The following BIN3 variants were observed in gnomAD, a reference collection of about 807,000 sequenced individuals.
BIN3 encodes bridging integrator 3.
In BIN3, 41 loss-of-function variants were observed where a neutral mutation model predicts 38.2. The observed-to-expected ratio is 1.07, with a 90% CI of 0.84 to 1.39. BIN3 has a LOEUF of 1.39. Ranked by LOEUF, BIN3 falls within the 40% of genes most tolerant of loss-of-function variation. The probability of loss-of-function intolerance (pLI) is 0.00; values close to 1 mark genes in which losing one functional copy is unlikely to be tolerated. For missense variants in BIN3, 361 were observed against 324.3 expected (o/e 1.11, Z -0.87); for synonymous variants, 145 against 122.6 (o/e 1.18, Z -1.21).
At chr8:22,632,263 G>C (rs973535323) in intron 4 of BIN3, among the ~76,000 whole-genome samples, 12 of 152,192 alleles carry the variant, frequency 7.9e-5, no homozygotes, top group Non-Finnish European at 1.8e-4. Flanking sequence ...GCATGAACCT[G>C]AACCCTGACC....
chr8:22,621,517 G>C lies in BIN3; in HGVS notation c.667C>G (p.Leu223Val), dbSNP rs779548998. ...HKIFGDLSHQ[L>V]DQPGHSDEQR... ...TCATCGGAGTGGCCTGGCTGGTCAA[G>C]CTGATGGGACAGGTCTCCAAAGATC... Residue 223 changes from leucine to valine, a missense_variant, in exon 9 of 9, where the codon CTT (leucine) becomes GTT (valine). By Grantham distance (32) the Leu-to-Val change is conservative. Coordinates refer to ENST00000276416, the MANE Select transcript of BIN3 (RefSeq NM_018688.6). 1.2e-5 allele frequency: 19 copies of C among 1,613,906 alleles called. No individual in the cohort carries two copies. Among genetic ancestry groups the C allele is most frequent in the South Asian group, 5.5e-5 (5 of 91,090 alleles).
chr8:22,630,323 C>A, intron 5 of BIN3, 119 bp downstream of exon 5: 1 of 1,414,180 alleles, frequency 7.1e-7, no homozygotes, highest in Non-Finnish European at 9.6e-7. Context: ...CACACGAGGC[C>A]AGAGGGCTTA....
At chr8:22,654,476 C>G (rs1802997724) in intron 1 of BIN3, among the ~76,000 whole-genome samples, 1 of 152,176 alleles carries the variant, frequency 6.6e-6, no homozygotes, top group Non-Finnish European at 1.5e-5. Context: ...AAACCCCACA[C>G]CTATTAGCAA....
Position 22,621,585 on chromosome 8 carries a change from G to A in BIN3, c.616-17C>T, listed in dbSNP as rs771166148. The A allele has an allele frequency of 3.1e-6, 5 of 1,607,394 alleles. No individual in the cohort carries two copies. The highest frequency in any genetic ancestry group is 2.8e-5 in the African/African-American group (2 of 71,624). On this transcript the variant is annotated splice_polypyrimidine_tract_variant and intron_variant, in intron 8 of 8. Transcript: ENST00000276416. ...GTACACAACCTGGGGGAGGCGACAG[G>A]GGTTGGCACGTGCTGGCTCCAGGGA...
intron 6 of BIN3, among the ~76,000 whole-genome samples, chr8:22,627,954 G>A (rs1359993075): frequency 6.6e-6 from 1 of 152,248 alleles, no homozygotes; most frequent in African/African-American, 2.4e-5. Context: ...GCCGGGCTGG[G>A]CCCAGGCCAG....
At chr8:22,624,713 A>C in intron 6 of BIN3, 1 of 244,460 alleles carries the variant, frequency 4.1e-6, no homozygotes, top group Non-Finnish European at 7.8e-6. Flanking sequence ...GGGTGCCCTG[A>C]CCCCCACCTC....
At chr8:22,630,111 G>A (rs1014565328) in intron 5 of BIN3, 107 bp from the exon 6 acceptor site, 2 of 1,228,356 alleles carry the variant, frequency 1.6e-6, no homozygotes, top group Non-Finnish European at 2.3e-6. Flanking sequence ...AGGGCCACAG[G>A]GTGCTGTCCT....
intron 6 of BIN3, chr8:22,625,961 G>C (rs1391034109): frequency 1.3e-5 from 2 of 153,044 alleles, no homozygotes; most frequent in South Asian, 4.1e-4. Flanking sequence ...CAGGGAGTAA[G>C]AGGATATTAA....
chr8:22,649,858 C>CA (rs199571834), intron 1 of BIN3, among the ~76,000 whole-genome samples: 13,059 of 108,326 alleles, frequency 0.12, 790 homozygotes, highest in South Asian at 0.18. Context: ...CACACACACA[C>CA]CCCCAAAGGA....
chr8:22,663,272 A>G (rs1342388535), intron 1 of BIN3, among the ~76,000 whole-genome samples: 1 of 151,754 alleles, frequency 6.6e-6, no homozygotes, highest in Non-Finnish European at 1.5e-5. Context: ...AGTTGTGTTC[A>G]AAAAATTGTG....
In BIN3 at chr8:22,620,480, G is replaced by C. The variant is rs1363274546; in HGVS notation, c.*942C>G. 1 of 141,582 alleles carries C rather than the reference G, an allele frequency of 7.1e-6. No homozygotes were observed. Among genetic ancestry groups the C allele is most frequent in the African/African-American group, 2.6e-5 (1 of 38,636 alleles). 8.8% of individuals were successfully genotyped at this position (141,582 alleles called of 1,614,324 possible). ...CCAAAGTCAAAAACAAACTGAGAGTGTGTCCTCCACAGCTCTTCCTACTCT... is the reference window on the plus strand; with the variant it reads ...CCAAAGTCAAAAACAAACTGAGAGTCTGTCCTCCACAGCTCTTCCTACTCT... On this transcript the variant is annotated 3_prime_UTR_variant, in exon 9 of 9. Coordinates refer to ENST00000276416, the MANE Select transcript of BIN3 (RefSeq NM_018688.6).
rs117124384 is a variant in BIN3, at chr8:22,653,271, C to G, written c.9-8468G>C. On this transcript the variant is annotated intron_variant, in intron 1 of 8. Transcript: ENST00000276416. ...TGTGTTCCGCTGATTTGCTCCTCTT[C>G]TTCATTAACTGAGTTTTCTAACAAT... 2.3e-3 allele frequency among the ~76,000 whole-genome samples: 351 copies of G among 152,308 alleles called. 6 individuals carry two copies. The East Asian group carries it at 0.062, about 27-fold the overall frequency.
intron 2 of BIN3, among the ~76,000 whole-genome samples, chr8:22,641,284 AGAC>A (rs542752800): frequency 3.3e-4 from 50 of 152,324 alleles, no homozygotes; most frequent in African/African-American, 1.2e-3. Context: ...ACCAAGCCCC[AGAC>A]GACTACCCGT....
intron 8 of BIN3, among the ~76,000 whole-genome samples, chr8:22,621,846 A>C (rs995942061): frequency 6.6e-6 from 1 of 152,152 alleles, no homozygotes; most frequent in African/African-American, 2.4e-5. Context: ...TGGGCCTCCT[A>C]GGGCGACTGT....
chr8:22,653,003 A>G (rs1306509219), intron 1 of BIN3, among the ~76,000 whole-genome samples: 1 of 152,212 alleles, frequency 6.6e-6, no homozygotes, highest in East Asian at 1.9e-4. Flanking sequence ...TACTGGTAAT[A>G]TCCAAATTTT....
At chr8:22,667,876 G>T (rs915203424) in intron 1 of BIN3, among the ~76,000 whole-genome samples, 7 of 152,220 alleles carry the variant, frequency 4.6e-5, no homozygotes, top group African/African-American at 1.7e-4. Context: ...GACACTGACT[G>T]ATATCAGCTG....
chr8:22,651,987 GTT>G (rs35335976), intron 1 of BIN3, among the ~76,000 whole-genome samples: 2 of 137,914 alleles, frequency 1.5e-5, no homozygotes, highest in African/African-American at 5.3e-5. Flanking sequence ...CTTCTACCAA[GTT>G]TTTTTTTTTT....
chr8:22,653,965 G>A (rs866777364), intron 1 of BIN3, among the ~76,000 whole-genome samples: 1 of 152,156 alleles, frequency 6.6e-6, no homozygotes, highest in African/African-American at 2.4e-5. Context: ...GTGATAAGCA[G>A]TTAGGGAGAT....
chr8:22,636,402 C>T (rs1329045147), intron 4 of BIN3, 123 bp downstream of exon 4: 1 of 1,018,450 alleles, frequency 9.8e-7, no homozygotes, highest in Non-Finnish European at 1.5e-6. Flanking sequence ...GGCTGCTTCT[C>T]AGGACACTGG....
Sources: allele counts gnomAD v4.1 joint callset (sites outside exome capture counted in the v4.1 genomes callset), GRCh38; gene constraint gnomAD v4.1.1; transcripts MANE v1.5; gene names NCBI Gene and HGNC (gene_info 2026-07-23, HGNC 2026-07-21).